The following MSRA variants were observed in gnomAD, a reference collection of about 807,000 sequenced individuals.
The protein encoded by MSRA is methionine sulfoxide reductase A, also known as mitochondrial peptide methionine sulfoxide reductase.
Under a neutral mutation model 31.3 loss-of-function variants are expected in MSRA, and 54 were observed. That is an observed-to-expected ratio of 1.73 (90% CI 1.39 to 2.17). The LOEUF is 2.17. Ranked by LOEUF, MSRA falls within the 30% of genes most tolerant of loss-of-function variation. The probability of loss-of-function intolerance (pLI) is 0.00; values close to 1 mark genes in which losing one functional copy is unlikely to be tolerated. For missense variants in MSRA, 507 were observed against 300.9 expected (o/e 1.69, Z -5.07); for synonymous variants, 169 against 116.5 (o/e 1.45, Z -2.90).
At chr8:10,233,681 G>A (rs555235911) in intron 2 of MSRA, among the ~76,000 whole-genome samples, 2 of 152,216 alleles carry the variant, frequency 1.3e-5, no homozygotes, top group Admixed American at 6.5e-5. Flanking sequence ...GCAGTTAAAT[G>A]ACACAGAGGA....
At chr8:10,385,415 C>G (rs1806324578) in intron 5 of MSRA, among the ~76,000 whole-genome samples, 1 of 152,290 alleles carries the variant, frequency 6.6e-6, no homozygotes, top group East Asian at 1.9e-4. Context: ...AGAGTTTAGT[C>G]AAAGTGAGAC....
chr8:10,362,685 C>G (rs11779480), intron 5 of MSRA, among the ~76,000 whole-genome samples: 38,355 of 151,918 alleles, frequency 0.25, 6,031 homozygotes, highest in Non-Finnish European at 0.35. Context: ...GAAAGGAGGT[C>G]TCAGATGAGG....
intron 2 of MSRA, among the ~76,000 whole-genome samples, chr8:10,216,069 T>C (rs1276040482): frequency 6.6e-6 from 1 of 152,206 alleles, no homozygotes; most frequent in South Asian, 2.1e-4. Flanking sequence ...AACTAGCATT[T>C]TTAAGAAAAA....
At chr8:10,135,696 C>T (rs901059738) in intron 1 of MSRA, among the ~76,000 whole-genome samples, 1 of 152,076 alleles carries the variant, frequency 6.6e-6, no homozygotes, top group Admixed American at 6.6e-5. Context: ...TTAGGTTGAC[C>T]CATATGAAAT....
chr8:10,142,090 C>A (rs1802766847), intron 1 of MSRA, among the ~76,000 whole-genome samples: 1 of 152,182 alleles, frequency 6.6e-6, no homozygotes. Flanking sequence ...TGCCGAGTAG[C>A]TGGGATTACA....
chr8:10,219,928 A>G (rs888769571), intron 2 of MSRA, among the ~76,000 whole-genome samples: 2 of 150,732 alleles, frequency 1.3e-5, no homozygotes, highest in African/African-American at 4.9e-5. Context: ...AAACAGTGCC[A>G]GTTCTTTTTT....
At chr8:10,342,186 A>G (rs1803470504) in intron 5 of MSRA, among the ~76,000 whole-genome samples, 1 of 152,178 alleles carries the variant, frequency 6.6e-6, no homozygotes, top group Non-Finnish European at 1.5e-5. Context: ...ATTTGTTTCC[A>G]TGGGTCTCAC....
intron 1 of MSRA, among the ~76,000 whole-genome samples, chr8:10,170,441 AT>A (rs958024114): frequency 2.6e-5 from 4 of 152,186 alleles, no homozygotes; most frequent in African/African-American, 9.6e-5. Context: ...CAGACACTGA[AT>A]CTGCTGGTGC....
chr8:10,144,904 A>G (rs1357684249), intron 1 of MSRA, among the ~76,000 whole-genome samples: 1 of 151,644 alleles, frequency 6.6e-6, no homozygotes. Context: ...GATTATTGCC[A>G]TTTTTTTGGA....
At chr8:10,351,548 G>C (rs375013870) in intron 5 of MSRA, among the ~76,000 whole-genome samples, 5 of 152,276 alleles carry the variant, frequency 3.3e-5, no homozygotes, top group East Asian at 1.9e-4. Flanking sequence ...CACTGTGCCC[G>C]GCCGAAAGTG....
chr8:10,127,628 C>T (rs960031222), intron 1 of MSRA, among the ~76,000 whole-genome samples: 4 of 152,316 alleles, frequency 2.6e-5, no homozygotes, highest in Admixed American at 1.3e-4. Flanking sequence ...TACTATTTAA[C>T]ATCCAATCCA....
intron 5 of MSRA, among the ~76,000 whole-genome samples, chr8:10,350,883 G>A (rs1804088665): frequency 6.6e-6 from 1 of 152,232 alleles, no homozygotes. Context: ...CTGTCAGGGA[G>A]GGGAAGTGGC....
chr8:10,214,714 G>A (rs185066747), intron 2 of MSRA, among the ~76,000 whole-genome samples: 13 of 152,340 alleles, frequency 8.5e-5, no homozygotes, highest in Admixed American at 8.5e-4. Context: ...GCTAACTGGT[G>A]CAAACTTCTT....
chr8:10,424,892 G>A (rs906346570), intron 5 of MSRA, among the ~76,000 whole-genome samples: 2 of 152,236 alleles, frequency 1.3e-5, no homozygotes, highest in Non-Finnish European at 2.9e-5. Flanking sequence ...GCCGCACACA[G>A]CGGGGCCCAC....
At chr8:10,216,371 T>C (rs992954986) in intron 2 of MSRA, among the ~76,000 whole-genome samples, 4 of 152,170 alleles carry the variant, frequency 2.6e-5, no homozygotes, top group Non-Finnish European at 4.4e-5. Flanking sequence ...TGAAGAAAAA[T>C]CAGTTGGTTG....
At chr8:10,392,730 C>G (rs1306137396) in intron 5 of MSRA, among the ~76,000 whole-genome samples, 1 of 149,438 alleles carries the variant, frequency 6.7e-6, no homozygotes, top group Non-Finnish European at 1.5e-5. Flanking sequence ...ATTAGCTGAT[C>G]GCTAAGGTGC....
Position 10,323,996 on chromosome 8 carries a change from C to G in MSRA, c.543+4007C>G, listed in dbSNP as rs184653942. On this transcript the variant is annotated intron_variant, in intron 5 of 5. Transcript: ENST00000317173. The stretch of plus-strand genomic sequence containing the variant: ...GCATAAATAAAACTGACCCTAGATT[C>G]CACTGGGAGATGAGTTGAAAGTTCA... 7.9e-5 allele frequency among the ~76,000 whole-genome samples: 12 copies of G among 152,280 alleles called. No individual in the cohort carries two copies. In the East Asian group the frequency reaches 2.1e-3, roughly 27 times the overall value.
At chr8:10,102,055 T>A (rs1799563338) in intron 1 of MSRA, among the ~76,000 whole-genome samples, 2 of 152,216 alleles carry the variant, frequency 1.3e-5, no homozygotes, top group South Asian at 4.1e-4. Context: ...CTCACTACTT[T>A]CAAAATCTTG....
At chr8:10,345,737 G>C (rs1420173981) in intron 5 of MSRA, among the ~76,000 whole-genome samples, 2 of 152,058 alleles carry the variant, frequency 1.3e-5, no homozygotes, top group Admixed American at 1.3e-4. Context: ...TTCTTTTCTG[G>C]TGTTTTAAGC....
Sources: allele counts gnomAD v4.1 joint callset (sites outside exome capture counted in the v4.1 genomes callset), GRCh38; gene constraint gnomAD v4.1.1; transcripts MANE v1.5; gene names NCBI Gene and HGNC (gene_info 2026-07-23, HGNC 2026-07-21).